MYO16: variants seen among roughly 807,000 people sequenced by gnomAD.
MYO16 encodes the protein unconventional myosin-XVI.
MYO16 carries 94 observed loss-of-function variants against 205.3 expected under a neutral mutation model. That is an observed-to-expected ratio of 0.46 (90% CI 0.39 to 0.54). MYO16 has a LOEUF of 0.54. Among genes scored for constraint, MYO16 ranks in the 20% least tolerant of loss-of-function variants. MYO16 has a pLI of 0.00. For missense variants in MYO16, 2,315 were observed against 2,387.5 expected (o/e 0.97, Z 0.63); for synonymous variants, 988 against 954.0 (o/e 1.04, Z -0.66).
chr13:108,789,248 T>G (rs140456855), intron 5 of MYO16, among the ~76,000 whole-genome samples: 1 of 152,346 alleles, frequency 6.6e-6, no homozygotes, highest in East Asian at 1.9e-4. Flanking sequence ...GTCTGATTGT[T>G]GCCAATTCTT....
intron 27 of MYO16, among the ~76,000 whole-genome samples, chr13:109,060,254 G>A (rs1330124530): frequency 6.6e-6 from 1 of 152,118 alleles, no homozygotes; most frequent in African/African-American, 2.4e-5. Flanking sequence ...ATCAATGATA[G>A]ACTGGATAAA....
At chr13:109,058,310 G>C (rs1032688892) in intron 27 of MYO16, among the ~76,000 whole-genome samples, 1 of 152,000 alleles carries the variant, frequency 6.6e-6, no homozygotes, top group African/African-American at 2.4e-5. Context: ...CCTCACCCCA[G>C]GTTCACTCAA....
intron 25 of MYO16, among the ~76,000 whole-genome samples, chr13:109,053,243 T>C (rs1243751113): frequency 6.6e-6 from 1 of 152,094 alleles, no homozygotes; most frequent in Non-Finnish European, 1.5e-5. Context: ...CATTTTAACT[T>C]ACCAATTAAA....
intron 23 of MYO16, among the ~76,000 whole-genome samples, chr13:109,038,619 T>C (rs1886787758): frequency 6.6e-6 from 1 of 152,076 alleles, no homozygotes; most frequent in East Asian, 1.9e-4. Context: ...ATATATATTA[T>C]ACTATACTAC....
intron 16 of MYO16, among the ~76,000 whole-genome samples, chr13:108,932,658 A>T (rs1882308448): frequency 6.6e-6 from 1 of 152,136 alleles, no homozygotes; most frequent in Non-Finnish European, 1.5e-5. Flanking sequence ...CCCAGTATCT[A>T]CCCAAGATAA....
chr13:108,965,697 C>T (rs532156415), intron 20 of MYO16, among the ~76,000 whole-genome samples: 8 of 152,304 alleles, frequency 5.3e-5, no homozygotes, highest in South Asian at 2.1e-4. Context: ...TGAGCCACTG[C>T]GCCCGGCCCC....
At chr13:108,878,637 C>T (rs1879441006) in intron 12 of MYO16, among the ~76,000 whole-genome samples, 1 of 152,248 alleles carries the variant, frequency 6.6e-6, no homozygotes, top group South Asian at 2.1e-4. Context: ...AACTGTTTAA[C>T]ACTTAAGCTG....
intron 28 of MYO16, among the ~76,000 whole-genome samples, chr13:109,112,486 T>C (rs1889320481): frequency 6.6e-6 from 1 of 152,196 alleles, no homozygotes; most frequent in Non-Finnish European, 1.5e-5. Flanking sequence ...CCGGGCATGG[T>C]GGCTCATGCC....
chr13:108,725,820 T>C (rs930697007), intron 3 of MYO16, among the ~76,000 whole-genome samples: 1 of 152,210 alleles, frequency 6.6e-6, no homozygotes, highest in African/African-American at 2.4e-5. Context: ...CTCAAGACAT[T>C]TCAAGAGCCA....
At chr13:108,496,798 G>T in the MYO16 span, among the ~76,000 whole-genome samples, 1,315 of 152,320 alleles carry the variant, frequency 8.6e-3, 43 homozygotes, top group Admixed American at 0.068. Flanking sequence ...CCACTCAGAA[G>T]AATTATTAGC....
At position 109,127,205 on chromosome 13, in the gene MYO16, A is replaced by C. The variant is rs1297542625; in HGVS notation, c.3783-77A>C. The C allele has an allele frequency of 3.4e-6, 5 of 1,475,282 alleles. No individual in the cohort carries two copies. Among genetic ancestry groups the C allele is most frequent in the Non-Finnish European group, 4.5e-6 (5 of 1,109,578 alleles). The allele number at this position is 1,475,282 out of a possible 1,614,324, so 91.4% of individuals were successfully genotyped here. The stretch of plus-strand genomic sequence containing the variant: ...AAAAAGCCGTCATTATGTCTGCTTG[A>C]GCAGGTTCCTTGTTACCGGAATAAT... On this transcript the variant is annotated intron_variant, in intron 30 of 34. Coordinates refer to ENST00000457511, the MANE Select transcript of MYO16 (RefSeq NM_001198950.3). The surrounding 1 kb of genome is among the most constrained non-coding windows in gnomAD (Gnocchi z 4.2).
At chr13:108,886,235 C>A (rs1879874803) in intron 13 of MYO16, among the ~76,000 whole-genome samples, 1 of 152,164 alleles carries the variant, frequency 6.6e-6, no homozygotes, top group Admixed American at 6.5e-5. Flanking sequence ...GATCCGCCCA[C>A]CACAGCCTCT....
chr13:108,939,288 G>A (rs1374473730), intron 16 of MYO16, among the ~76,000 whole-genome samples: 1 of 152,196 alleles, frequency 6.6e-6, no homozygotes, highest in East Asian at 1.9e-4. Context: ...GTTAACTTCA[G>A]GGCTTGGGAA....
chr13:108,902,745 A>G (rs1182964732), intron 15 of MYO16, among the ~76,000 whole-genome samples: 1 of 152,126 alleles, frequency 6.6e-6, no homozygotes, highest in Non-Finnish European at 1.5e-5. Context: ...TCCAAAGGAC[A>G]CTGGTCACAT....
At chr13:108,674,961 G>A (rs540469918) in intron 2 of MYO16, among the ~76,000 whole-genome samples, 1 of 152,320 alleles carries the variant, frequency 6.6e-6, no homozygotes, top group South Asian at 2.1e-4. Flanking sequence ...TTCCAGAGTG[G>A]CACCAAGCCT....
At position 108,845,348 on chromosome 13, in the gene MYO16, G is replaced by A. The variant is rs144938826; in HGVS notation, c.1248+855G>A. ...CAAAACACCACAGTCTGGGTGGCTT[G>A]GACAACAGAAATGCATTTCTCACAG... On this transcript the variant is annotated intron_variant, in intron 10 of 34. Coordinates refer to ENST00000457511, the MANE Select transcript of MYO16 (RefSeq NM_001198950.3). Among the ~76,000 whole-genome samples, 317 of 152,234 alleles carry A rather than the reference G, an allele frequency of 2.1e-3. 2 individuals carry two copies. Among genetic ancestry groups the A allele is most frequent in the African/African-American group, 7.2e-3 (300 of 41,524 alleles).
the MYO16 span, among the ~76,000 whole-genome samples, chr13:108,520,702 C>T: frequency 6.6e-6 from 1 of 152,152 alleles, no homozygotes; most frequent in Non-Finnish European, 1.5e-5. Context: ...TTAACACACC[C>T]TGTAGTATGG....
chr13:108,804,825 G>T (rs1418509610), intron 6 of MYO16, among the ~76,000 whole-genome samples: 1 of 152,174 alleles, frequency 6.6e-6, no homozygotes, highest in Non-Finnish European at 1.5e-5. Flanking sequence ...TCTAGTGAGT[G>T]AGCCAGGACT....
chr13:108,864,147 T>G (rs535585410), intron 11 of MYO16, among the ~76,000 whole-genome samples: 1 of 152,290 alleles, frequency 6.6e-6, no homozygotes, highest in Non-Finnish European at 1.5e-5. Flanking sequence ...TCCATTGATT[T>G]CTGCTTTGAT....
Sources: allele counts gnomAD v4.1 joint callset (sites outside exome capture counted in the v4.1 genomes callset), GRCh38; gene constraint gnomAD v4.1.1; non-coding constraint Gnocchi (gnomAD v3.1); transcripts MANE v1.5; gene names NCBI Gene and HGNC (gene_info 2026-07-23, HGNC 2026-07-21).